Variants in KIAA1958 observed in about 807,000 individuals in gnomAD.
KIAA1958 encodes KIAA1958, also known as uncharacterized protein KIAA1958.
KIAA1958 carries 14 observed loss-of-function variants against 47.2 expected under a neutral mutation model. The observed-to-expected ratio is 0.30, with a 90% CI of 0.20 to 0.46. KIAA1958 has a LOEUF of 0.46. Ranked by LOEUF, KIAA1958 falls within the 20% of genes least tolerant of loss-of-function variation. The pLI, the probability that KIAA1958 is intolerant of heterozygous loss-of-function variation, is 1.00. For missense variants in KIAA1958, 803 were observed against 909.2 expected (o/e 0.88, Z 1.50); for synonymous variants, 354 against 353.3 (o/e 1.00, Z -0.02).
At chr9:112,490,837 A>C (rs1833956099) in intron 1 of KIAA1958, among the ~76,000 whole-genome samples, 1 of 152,222 alleles carries the variant, frequency 6.6e-6, no homozygotes, top group South Asian at 2.1e-4. Context: ...GATGTATTTC[A>C]GAAACATGTT....
At chr9:112,621,084 T>G (rs764162095) in intron 2 of KIAA1958, among the ~76,000 whole-genome samples, 3 of 152,176 alleles carry the variant, frequency 2.0e-5, no homozygotes, top group Non-Finnish European at 4.4e-5. Context: ...AGTTTCTCAG[T>G]ACCAGCTCAT....
chr9:112,510,453 T>G (rs1174350461), intron 1 of KIAA1958, among the ~76,000 whole-genome samples: 1 of 152,190 alleles, frequency 6.6e-6, no homozygotes, highest in Non-Finnish European at 1.5e-5. Flanking sequence ...TGTTTAAAAT[T>G]TCTCTTTACA....
At chr9:112,490,557 G>A (rs1206940202) in intron 1 of KIAA1958, among the ~76,000 whole-genome samples, 3 of 152,204 alleles carry the variant, frequency 2.0e-5, no homozygotes, top group Admixed American at 6.5e-5. Context: ...GAGGACTGTG[G>A]TTGGCTAGTT....
In KIAA1958 at chr9:112,659,497, T is replaced by G; in HGVS notation, c.1579T>G (p.Ser527Ala). Reference protein sequence around the residue: ...LSKAGMSGARSRNIVYFSLSD... With the variant: ...LSKAGMSGARARNIVYFSLSD... Reference sequence around the variant, plus strand: ...TAAGGCAGGCATGTCGGGCGCGCGTTCTCGCAACATCGTCTACTTCTCCCT... The same window carrying G: ...TAAGGCAGGCATGTCGGGCGCGCGTGCTCGCAACATCGTCTACTTCTCCCT... The change falls in exon 4 of 4, where the codon TCT becomes GCT. Residue 527 changes from serine to alanine, a missense_variant. Ser to Ala is a moderately conservative substitution (Grantham distance 99, BLOSUM62 1). Transcript: ENST00000337530. The G allele has an allele frequency of 6.2e-7, 1 of 1,613,540 alleles. No homozygotes were observed.
At chr9:112,488,284 C>T (rs1833905625) in intron 1 of KIAA1958, among the ~76,000 whole-genome samples, 1 of 152,084 alleles carries the variant, frequency 6.6e-6, no homozygotes, top group African/African-American at 2.4e-5. Flanking sequence ...TTGGGTTGTG[C>T]ATGGATATGG....
rs1835621607 is a variant in KIAA1958 at position 112,575,133 on chromosome 9, C to T, written c.1053C>T (p.Ser351=). ...EFLSHLPSQV[S]SCEVALSPSV... ...TGTCCCATCTGCCCAGCCAGGTCTCCTCCTGTGAGGTAGCCCTTTCTCCCT... is the reference window on the plus strand; with the variant it reads ...TGTCCCATCTGCCCAGCCAGGTCTCTTCCTGTGAGGTAGCCCTTTCTCCCT... The change falls in exon 2 of 4, where the codon TCC becomes TCT. Residue 351 remains serine, a synonymous_variant. Transcript: ENST00000337530. The T allele has an allele frequency of 6.2e-7, 1 of 1,604,444 alleles. No individual in the cohort carries two copies. The highest frequency in any genetic ancestry group is 1.7e-5 in the Admixed American group (1 of 60,002).
At chr9:112,617,874 A>G (rs911281964) in intron 2 of KIAA1958, 1 of 1,544,550 alleles carries the variant, frequency 6.5e-7, no homozygotes, top group Non-Finnish European at 8.7e-7. Flanking sequence ...GTTGCAGACC[A>G]GGATGAAAGA....
At chr9:112,569,033 A>T (rs2131167819) in intron 1 of KIAA1958, among the ~76,000 whole-genome samples, 1 of 150,540 alleles carries the variant, frequency 6.6e-6, no homozygotes, top group East Asian at 2.0e-4. Flanking sequence ...GTCTGTAAGA[A>T]CTGGCCGACT....
At chr9:112,543,566 TC>T (rs1271576319) in intron 1 of KIAA1958, among the ~76,000 whole-genome samples, 43 of 55,250 alleles carry the variant, frequency 7.8e-4, no homozygotes, top group African/African-American at 3.5e-3. Context: ...CTTCTGAGCT[TC>T]TTTTTTTTTT....
At chr9:112,550,572 A>G (rs1441385452) in intron 1 of KIAA1958, among the ~76,000 whole-genome samples, 2 of 152,202 alleles carry the variant, frequency 1.3e-5, no homozygotes, top group Non-Finnish European at 2.9e-5. Context: ...TACTACAGCG[A>G]AAGAATACAG....
At chr9:112,657,099 T>G (rs1837164572) in intron 3 of KIAA1958, among the ~76,000 whole-genome samples, 1 of 150,902 alleles carries the variant, frequency 6.6e-6, no homozygotes, top group Non-Finnish European at 1.5e-5. Context: ...ATTGATTCAC[T>G]CTCCCTTTTT....
Position 112,659,950 on chromosome 9 carries a change from C to T in KIAA1958, c.2032C>T (p.Leu678Phe). The stretch of plus-strand genomic sequence containing the variant: ...GGAGCAGAGGATGGGGCTGCGCTCT[C>T]TTCGGGGAATTGTCCCAAACTTAGC... ...YEEQRMGLRSLRGIVPNLAKK... is the reference protein window; with the variant it reads ...YEEQRMGLRSFRGIVPNLAKK... The change falls in exon 4 of 4, where the codon CTT (leucine) becomes TTT (phenylalanine). Residue 678 changes from leucine (L) to phenylalanine (F), a missense_variant. Transcript: ENST00000337530. 6.2e-7 allele frequency: 1 copy of T among 1,614,250 alleles called. No individual in the cohort carries two copies. The highest frequency in any genetic ancestry group is 8.5e-7 in the Non-Finnish European group (1 of 1,180,044).
chr9:112,533,790 T>TGGG (rs1834808287), intron 1 of KIAA1958, among the ~76,000 whole-genome samples: 1 of 152,010 alleles, frequency 6.6e-6, no homozygotes, highest in Non-Finnish European at 1.5e-5. Context: ...GAGAACAGCA[T>TGGG]GGGGGAAACA....
intron 1 of KIAA1958, among the ~76,000 whole-genome samples, chr9:112,572,862 C>T (rs1835563349): frequency 6.6e-6 from 1 of 152,180 alleles, no homozygotes; most frequent in Non-Finnish European, 1.5e-5. Context: ...GACAGGGCGC[C>T]ATGGAGTCAG....
At chr9:112,487,660 G>A (rs955191895) in intron 1 of KIAA1958, among the ~76,000 whole-genome samples, 4 of 152,116 alleles carry the variant, frequency 2.6e-5, no homozygotes, top group African/African-American at 9.7e-5. Context: ...GCATGGCTTC[G>A]CTCCCTTATT....
intron 3 of KIAA1958, among the ~76,000 whole-genome samples, chr9:112,648,437 G>A (rs1002512430): frequency 6.6e-6 from 1 of 152,144 alleles, no homozygotes; most frequent in Non-Finnish European, 1.5e-5. Context: ...CAAATACTCA[G>A]CTGAGTACTG....
chr9:112,549,824 C>A (rs1455332957), intron 1 of KIAA1958, among the ~76,000 whole-genome samples: 4 of 152,182 alleles, frequency 2.6e-5, no homozygotes, highest in African/African-American at 9.7e-5. Flanking sequence ...CTACTGGCAT[C>A]TAGTGGGTAG....
At chr9:112,580,638 T>A (rs2131180236) in intron 2 of KIAA1958, among the ~76,000 whole-genome samples, 1 of 152,088 alleles carries the variant, frequency 6.6e-6, no homozygotes, top group Non-Finnish European at 1.5e-5. Context: ...AATACAAAAA[T>A]TAGCCCAGCG....
intron 1 of KIAA1958, among the ~76,000 whole-genome samples, chr9:112,501,157 T>C (rs546716273): frequency 4.0e-5 from 6 of 151,380 alleles, no homozygotes; most frequent in South Asian, 2.1e-4. Context: ...CTTTTTTTTT[T>C]CAACAAAATA....
Sources: gnomAD v4.1 joint callset for allele counts (sites outside exome capture counted in the v4.1 genomes callset) on GRCh38, gnomAD v4.1.1 for gene constraint, MANE v1.5 for transcripts, NCBI Gene and HGNC (gene_info 2026-07-23, HGNC 2026-07-21) for gene names.